The following KCNH5 variants were observed in gnomAD, a reference collection of about 807,000 sequenced individuals.
KCNH5 encodes voltage-gated delayed rectifier potassium channel KCNH5.
A neutral mutation model predicts 96.1 loss-of-function variants in KCNH5; 46 were observed. That is an observed-to-expected ratio of 0.48 (90% CI 0.38 to 0.61). The LOEUF is 0.61. Ranked by LOEUF, KCNH5 falls within the 20% of genes least tolerant of loss-of-function variation. The pLI, the probability that KCNH5 is intolerant of heterozygous loss-of-function variation, is 0.00. For missense variants in KCNH5, 907 were observed against 1,225.8 expected, an observed-to-expected ratio of 0.74 and a Z score of 3.88; for synonymous variants, 439 against 449.8, an observed-to-expected ratio of 0.98 and a Z score of 0.30.
intron 9 of KCNH5, among the ~76,000 whole-genome samples, chr14:62,791,306 G>A (rs1393754602): frequency 1.3e-5 from 2 of 151,382 alleles, no homozygotes; most frequent in Admixed American, 6.6e-5. Flanking sequence ...AGTCAAAATG[G>A]TCAAAAATAA....
chr14:62,718,997 G>A (rs554049456), intron 10 of KCNH5, among the ~76,000 whole-genome samples: 1 of 152,298 alleles, frequency 6.6e-6, no homozygotes, highest in African/African-American at 2.4e-5. Context: ...GCAATGTCTT[G>A]AAATGGCAAA....
chr14:62,824,944 GTTT>G (rs571751754), intron 8 of KCNH5, among the ~76,000 whole-genome samples: 1 of 151,568 alleles, frequency 6.6e-6, no homozygotes, highest in Non-Finnish European at 1.5e-5. Context: ...CGATTTCATT[GTTT>G]TTTTTATGGC....
At chr14:63,024,466 A>G (rs1196079158) in intron 1 of KCNH5, among the ~76,000 whole-genome samples, 2 of 152,022 alleles carry the variant, frequency 1.3e-5, no homozygotes, top group African/African-American at 4.8e-5. Context: ...GAGACTAGAA[A>G]AACAACTTTA....
intron 7 of KCNH5, among the ~76,000 whole-genome samples, chr14:62,903,062 T>G (rs775757459): frequency 3.9e-5 from 6 of 152,206 alleles, no homozygotes; most frequent in African/African-American, 7.2e-5. Context: ...GTATGACAAC[T>G]ATGTGATTTT....
At chr14:62,791,214 T>A (rs957470888) in intron 9 of KCNH5, among the ~76,000 whole-genome samples, 10 of 151,718 alleles carry the variant, frequency 6.6e-5, no homozygotes, top group African/African-American at 2.4e-4. Context: ...CTGGTGGAAG[T>A]AAATACACAG....
rs145216767 is a variant in KCNH5 at position 62,917,054 on chromosome 14, C to T, written c.1369+33079G>A. Reference sequence around the variant, plus strand: ...ATTTCACACCAATGATATTGGAATACAAACTAACATAAAAACTGCAACTTA... The same window carrying T: ...ATTTCACACCAATGATATTGGAATATAAACTAACATAAAAACTGCAACTTA... On this transcript the variant is annotated intron_variant, in intron 7 of 10. Transcript: ENST00000322893. Among the ~76,000 whole-genome samples the T allele has an allele frequency of 1.7e-4, 26 of 152,224 alleles. No individual in the cohort carries two copies. The East Asian group carries it at 4.4e-3, about 26-fold the overall frequency.
At chr14:62,839,058 C>T (rs1887522676) in intron 8 of KCNH5, among the ~76,000 whole-genome samples, 1 of 152,012 alleles carries the variant, frequency 6.6e-6, no homozygotes, top group Non-Finnish European at 1.5e-5. Context: ...TCTTAATGTA[C>T]TCATTAGACA....
chr14:62,839,277 G>A (rs1382607166), intron 8 of KCNH5, among the ~76,000 whole-genome samples: 1 of 152,016 alleles, frequency 6.6e-6, no homozygotes, highest in Non-Finnish European at 1.5e-5. Context: ...TAACAGTCAT[G>A]TATTCAACTA....
intron 7 of KCNH5, among the ~76,000 whole-genome samples, chr14:62,939,195 C>A (rs949976263): frequency 2.0e-5 from 3 of 152,130 alleles, no homozygotes; most frequent in Non-Finnish European, 4.4e-5. Flanking sequence ...GTTCTCCCTT[C>A]CTTCTTAAAG....
chr14:62,854,238 C>T (rs1010731448), intron 7 of KCNH5, among the ~76,000 whole-genome samples: 4 of 152,078 alleles, frequency 2.6e-5, no homozygotes, highest in African/African-American at 9.7e-5. Context: ...CAGGTGTGGG[C>T]CTGGTCCTTT....
At chr14:63,009,476 T>C (rs1041020215) in intron 2 of KCNH5, among the ~76,000 whole-genome samples, 1 of 152,242 alleles carries the variant, frequency 6.6e-6, no homozygotes, top group Non-Finnish European at 1.5e-5. Flanking sequence ...ATGCGGTTTT[T>C]AAAATAGTCT....
chr14:62,724,946 G>A (rs768786844), intron 10 of KCNH5, among the ~76,000 whole-genome samples: 39 of 152,260 alleles, frequency 2.6e-4, no homozygotes, highest in Non-Finnish European at 5.0e-4. Flanking sequence ...CAGCAAAGCC[G>A]GCAGAGGCCC....
intron 10 of KCNH5, among the ~76,000 whole-genome samples, chr14:62,772,825 A>C (rs905251248): frequency 5.3e-5 from 8 of 152,116 alleles, no homozygotes; most frequent in African/African-American, 1.7e-4. Flanking sequence ...ATGAAAGTTA[A>C]ATGCTTTCAC....
At chr14:62,945,731 G>C (rs368488608) in intron 7 of KCNH5, among the ~76,000 whole-genome samples, 5 of 152,084 alleles carry the variant, frequency 3.3e-5, no homozygotes, top group African/African-American at 4.8e-5. Flanking sequence ...ATACCGTGGA[G>C]AGCCACATGA....
chr14:62,880,109 C>A (rs1164232847), intron 7 of KCNH5, among the ~76,000 whole-genome samples: 1 of 152,102 alleles, frequency 6.6e-6, no homozygotes, highest in South Asian at 2.1e-4. Context: ...ATGTGGGAGA[C>A]ACTAAACTAA....
At chr14:62,878,203 G>A (rs1443207385) in intron 7 of KCNH5, among the ~76,000 whole-genome samples, 1 of 59,708 alleles carries the variant, frequency 1.7e-5, no homozygotes, top group Non-Finnish European at 3.9e-5. Context: ...TGTGGGGATG[G>A]GGGGGGGGGC....
chr14:62,888,018 T>C (rs906471258), intron 7 of KCNH5, among the ~76,000 whole-genome samples: 2 of 152,120 alleles, frequency 1.3e-5, no homozygotes, highest in Admixed American at 6.5e-5. Flanking sequence ...TTCTAACACA[T>C]GTGTTTCTAA....
intron 10 of KCNH5, among the ~76,000 whole-genome samples, chr14:62,730,543 T>C (rs1039729725): frequency 1.2e-4 from 19 of 152,234 alleles, no homozygotes; most frequent in Admixed American, 3.3e-4. Flanking sequence ...TCCTCTTCTT[T>C]AGTTTCCTTC....
rs1192994577 is a variant in KCNH5, at chr14:62,824,498, T to C, written c.1570-21917A>G. Among the ~76,000 whole-genome samples, 3 of 151,070 alleles carry C rather than the reference T, an allele frequency of 2.0e-5. No individual in the cohort carries two copies. The East Asian group carries it at 5.8e-4, about 29-fold the overall frequency. On this transcript the variant is annotated intron_variant, in intron 8 of 10. Transcript: ENST00000322893. The stretch of plus-strand genomic sequence containing the variant: ...AATACTTCAGTACTTCAAAAAACGC[T>C]TTTTTTTTACTTTAGCAATAAAAGT...
Sources: allele counts gnomAD v4.1 joint callset (sites outside exome capture counted in the v4.1 genomes callset), GRCh38; gene constraint gnomAD v4.1.1; transcripts MANE v1.5; gene names NCBI Gene and HGNC (gene_info 2026-07-23, HGNC 2026-07-21).